WDR90: variants seen among roughly 807,000 people sequenced by gnomAD.
WDR90 encodes the protein WD repeat-containing protein 90.
In WDR90, 238 loss-of-function variants were observed where a neutral mutation model predicts 195.2. The ratio of observed to expected loss-of-function variants is 1.22; its 90% confidence interval spans 1.10 to 1.36. The LOEUF (loss-of-function observed/expected upper bound fraction) is 1.36. WDR90 is among the 40% of genes most tolerant of loss of function. WDR90 has a pLI of 0.00. For synonymous variants in WDR90, 1,265 were observed against 1,052.4 expected, an observed-to-expected ratio of 1.20 and a Z score of -3.91; for missense variants, 2,734 against 2,439.5, an observed-to-expected ratio of 1.12 and a Z score of -2.54.
intron 1 of WDR90, 120 bp downstream of exon 1, chr16:649,546 G>A (rs2037595181): frequency 8.0e-7 from 1 of 1,244,632 alleles, no homozygotes; most frequent in Non-Finnish European, 1.0e-6. Context: ...CCCCGCTCAG[G>A]CAGGGTCCCG....
At position 651,707 on chromosome 16, in the gene WDR90, T is replaced by G; in HGVS notation, c.800T>G (p.Phe267Cys). 6.2e-7 allele frequency: 1 copy of G among 1,613,098 alleles called. No homozygotes were observed. Among genetic ancestry groups the G allele is most frequent in the Non-Finnish European group, 8.5e-7 (1 of 1,179,996 alleles). The change falls in exon 8 of 41, where the codon TTC (phenylalanine) becomes TGC (cysteine). Residue 267 changes from phenylalanine (F) to cysteine (C), a missense_variant. Physicochemically the swap from Phe to Cys is radical, Grantham distance 205. Coordinates refer to ENST00000293879, the MANE Select transcript of WDR90 (RefSeq NM_145294.5). ...CPVASSKPVR[F>C]SVSPVVQTPS... Reference sequence around the variant, plus strand: ...GTGGCCTCCAGCAAACCTGTGCGGTTCAGTGTGTCTCCAGTGGTCCAGACG... The same window carrying G: ...GTGGCCTCCAGCAAACCTGTGCGGTGCAGTGTGTCTCCAGTGGTCCAGACG...
intron 34 of WDR90, 154 bp downstream of exon 34, chr16:662,998 T>A: frequency 8.5e-7 from 1 of 1,172,438 alleles, no homozygotes; most frequent in Non-Finnish European, 1.2e-6. Context: ...AAGTCTTGGG[T>A]GTGCACGTCC....
rs1487837200 is a variant in WDR90, at chr16:658,647, C to G, written c.2889C>G (p.Gly963=). The G allele has an allele frequency of 3.7e-6, 6 of 1,607,726 alleles. No individual in the cohort carries two copies. The African/African-American group carries it at 8.0e-5, about 21-fold the overall frequency. Reference sequence around the variant, plus strand: ...ACTACGCCACACAGGCCAGCCCAGGCCCCCAGGTGTGTGCGTGGGGAGGCA... The same window carrying G: ...ACTACGCCACACAGGCCAGCCCAGGGCCCCAGGTGTGTGCGTGGGGAGGCA... The part of the protein sequence containing the change: ...VWDYATQASP[G]PQVYIGHSEP... The change falls in exon 23 of 41, where the codon GGC becomes GGG. Residue 963 remains glycine (G), a synonymous_variant. Transcript: ENST00000293879.
chr16:651,376 G>C, intron 7 of WDR90, 110 bp downstream of exon 7: 1 of 1,323,060 alleles, frequency 7.6e-7, no homozygotes, highest in Non-Finnish European at 1.1e-6. Flanking sequence ...GGCTGCAGCT[G>C]GTGCAGGGAC....
rs903776295 is a variant in WDR90, at chr16:665,290, G to T, written c.4312-389G>T. ...CCTCAGTCTGCAGCCTGCTAGGGAC[G>T]CACGGCCACACTCCTGTCTTTCAGC... On this transcript the variant is annotated intron_variant, in intron 34 of 40. Transcript: ENST00000293879. 7.1e-6 allele frequency: 3 copies of T among 423,178 alleles called. No individual in the cohort carries two copies. The South Asian group carries it at 1.2e-4, about 16-fold the overall frequency. The allele number at this position is 423,178 out of a possible 1,614,324, so 26.2% of individuals were successfully genotyped here. A position where few individuals can be genotyped will look rare whatever the true frequency, so the allele number is the denominator to read the frequency against.
chr16:658,093 G>A, intron 21 of WDR90, 90 bp from the exon 22 acceptor site: 1 of 1,517,450 alleles, frequency 6.6e-7, no homozygotes, highest in Non-Finnish European at 8.8e-7. Context: ...CCGAGTGCGT[G>A]TCCCCGGGAC....
Position 661,754 on chromosome 16 carries a change from CCTT to C in WDR90, c.3833_3835del (p.Leu1278del). The C allele has an allele frequency of 6.2e-7, 1 of 1,608,666 alleles. No individual in the cohort carries two copies. On this transcript the variant is annotated inframe_deletion, in exon 31 of 41. Transcript: ENST00000293879. ...GCCAGGGCACTGTCACCTTCTGGCT[CCTT>C]CAGCAGCGTGGGGCAGACATCAGCC... is the stretch of plus-strand genomic sequence containing the variant.
In WDR90 at chr16:651,950, G is replaced by A; in HGVS notation, c.964G>A (p.Ala322Thr). 6.2e-7 allele frequency: 1 copy of A among 1,608,524 alleles called. No individual in the cohort carries two copies. The highest frequency in any genetic ancestry group is 8.5e-7 in the Non-Finnish European group (1 of 1,178,486). The change falls in exon 9 of 41, where the codon GCC (alanine) becomes ACC (threonine). Residue 322 changes from alanine (A) to threonine (T), a missense_variant. Physicochemically the swap from Ala to Thr is moderately conservative, Grantham distance 58. Transcript: ENST00000293879. The part of the protein sequence containing the change: ...HSLEPWAQLE[A>T]SDIHTAAAGT... ...CCTTGAGCCCTGGGCCCAGCTGGAG[G>A]CCTCTGACATCCACACGGCTGCTGC...
chr16:656,208 G>A, intron 17 of WDR90, 94 bp from the exon 18 acceptor site: 1 of 1,158,746 alleles, frequency 8.6e-7, no homozygotes, highest in South Asian at 1.4e-5. Flanking sequence ...GAGCAGCAGG[G>A]AGTGCATTTG....
Position 651,882 on chromosome 16 carries a change from A to G in WDR90, c.896A>G (p.Glu299Gly). ...RPFPEVSLSQ[E>G]RSDASNADGP... ...TTCCCGGAGGTCAGCCTGTCCCAAG[A>G]GCGCTCAGACGCCTCCAACGCGGAT... Residue 299 changes from glutamate (E) to glycine (G), a missense_variant, in exon 9 of 41, where the codon GAG (glutamate) becomes GGG (glycine). Transcript: ENST00000293879. 1 of 1,611,030 alleles carries G rather than the reference A, an allele frequency of 6.2e-7. No homozygotes were observed. Among genetic ancestry groups the G allele is most frequent in the Non-Finnish European group, 8.5e-7 (1 of 1,179,876 alleles).
intron 10 of WDR90, among the ~76,000 whole-genome samples, chr16:652,953 C>T (rs189968237): frequency 3.9e-5 from 6 of 152,346 alleles, no homozygotes; most frequent in Admixed American, 3.3e-4. Flanking sequence ...GTGGCCTTCC[C>T]CTCTGCCTCA....
At chr16:654,181 G>C (rs1230349395) in intron 13 of WDR90, 2 of 286,956 alleles carry the variant, frequency 7.0e-6, no homozygotes. Flanking sequence ...GCATCTTGGT[G>C]GGGGCACCTT....
Position 650,769 on chromosome 16 carries a change from G to A in WDR90, c.559+60G>A, listed in dbSNP as rs547219586. The A allele has an allele frequency of 2.2e-5, 34 of 1,578,358 alleles. No individual in the cohort carries two copies. In the African/African-American group the frequency reaches 4.2e-4, roughly 19 times the overall value. ...TCACCCATGCTCTCAGCCCTGGAGA[G>A]GCCCAAGTCCAGGGTGCTTGGGAAA... On this transcript the variant is annotated intron_variant, in intron 5 of 40. Coordinates refer to ENST00000293879, the MANE Select transcript of WDR90 (RefSeq NM_145294.5).
intron 34 of WDR90, 140 bp from the exon 35 acceptor site, chr16:665,539 C>G (rs566910821): frequency 7.2e-7 from 1 of 1,389,762 alleles, no homozygotes; most frequent in Admixed American, 1.7e-5. Context: ...TGCTCCTTTC[C>G]GCCATGTGGA....
Position 661,160 on chromosome 16 carries a change from C to A in WDR90, c.3501C>A (p.Ser1167Arg). ...CGGAGATCTCCACGCTGGCCCTCAG[C>A]CACAGTGCCCAGGTGCCCGCCTGCA... ...HSAEISTLAL[S>R]HSAQVLASAS... The change falls in exon 29 of 41, where the codon AGC becomes AGA. Residue 1167 changes from serine (S) to arginine (R), a missense_variant. Physicochemically the swap from Ser to Arg is moderately radical, Grantham distance 110 (BLOSUM62 -1). Transcript: ENST00000293879. 1 of 1,550,070 alleles carries A rather than the reference C, an allele frequency of 6.5e-7. No homozygotes were observed. Among genetic ancestry groups the A allele is most frequent in the Non-Finnish European group, 8.7e-7 (1 of 1,154,000 alleles).
Position 650,522 on chromosome 16 carries a change from G to C in WDR90, c.389-17G>C. On this transcript the variant is annotated splice_polypyrimidine_tract_variant and intron_variant, in intron 4 of 40. Coordinates refer to ENST00000293879, the MANE Select transcript of WDR90 (RefSeq NM_145294.5). ...TGTCAGGAGGGTGGGCGCTGACCCTGAGTGCCCATCCTGCAGATCTGGTGG... is the reference window on the plus strand; with the variant it reads ...TGTCAGGAGGGTGGGCGCTGACCCTCAGTGCCCATCCTGCAGATCTGGTGG... The C allele has an allele frequency of 1.9e-6, 3 of 1,594,070 alleles. No homozygotes were observed. The highest frequency in any genetic ancestry group is 1.7e-4 in the Middle Eastern group (1 of 5,992).
chr16:650,761 C>T lies in WDR90; in HGVS notation c.559+52C>T, dbSNP rs1433014088. The T allele has an allele frequency of 3.8e-6, 6 of 1,582,654 alleles. No homozygotes were observed. The African/African-American group carries it at 4.0e-5, about 11-fold the overall frequency. On this transcript the variant is annotated intron_variant, in intron 5 of 40. Transcript: ENST00000293879. ...TCCATATCTCACCCATGCTCTCAGC[C>T]CTGGAGAGGCCCAAGTCCAGGGTGC...
At chr16:666,182 C>T in intron 36 of WDR90, 38 bp from the exon 37 acceptor site, 1 of 1,606,560 alleles carries the variant, frequency 6.2e-7, no homozygotes, top group South Asian at 1.1e-5. Context: ...GGTCCAGTCT[C>T]CGGGCTGGGG....
rs776176919 is a variant in WDR90 at position 667,739 on chromosome 16, T to C, written c.*150T>C. 1.1e-5 allele frequency: 13 copies of C among 1,203,670 alleles called. No homozygotes were observed. In the Admixed American group the frequency reaches 2.4e-4, roughly 22 times the overall value. The allele number at this position is 1,203,670 out of a possible 1,614,324, so 74.6% of individuals were successfully genotyped here. ...CGCCTGGAGCAAGCTGTTGTAAATT[T>C]GGCGCCCTGTGAATACTTTCATACC... On this transcript the variant is annotated 3_prime_UTR_variant, in exon 41 of 41. Coordinates refer to ENST00000293879, the MANE Select transcript of WDR90 (RefSeq NM_145294.5).
Sources: allele counts gnomAD v4.1 joint callset (sites outside exome capture counted in the v4.1 genomes callset), GRCh38; gene constraint gnomAD v4.1.1; transcripts MANE v1.5; gene names NCBI Gene and HGNC (gene_info 2026-07-23, HGNC 2026-07-21).